CENPP: variants seen among roughly 807,000 people sequenced by gnomAD.
The protein encoded by CENPP is centromere protein P.
Under a neutral mutation model 35.6 loss-of-function variants are expected in CENPP, and 24 were observed. The observed-to-expected ratio is 0.67, with a 90% CI of 0.49 to 0.95. The LOEUF is 0.95. Ranked by LOEUF, CENPP falls within the 40% of genes least tolerant of loss-of-function variation. CENPP has a pLI of 0.00. For missense variants in CENPP, 332 were observed against 345.3 expected (o/e 0.96, Z 0.31); for synonymous variants, 120 against 125.5 (o/e 0.96, Z 0.29).
chr9:92,327,336 C>T (rs1488044426), intron 1 of CENPP, among the ~76,000 whole-genome samples: 1 of 152,180 alleles, frequency 6.6e-6, no homozygotes, highest in Non-Finnish European at 1.5e-5. Flanking sequence ...AGTGGCCATC[C>T]TGACAGGCTA....
At chr9:92,492,596 C>G (rs1173166920) in intron 5 of CENPP, among the ~76,000 whole-genome samples, 2 of 152,140 alleles carry the variant, frequency 1.3e-5, no homozygotes, top group Non-Finnish European at 2.9e-5. Context: ...TTTTGAGTAT[C>G]TTTCTCCCCT....
At chr9:92,551,950 TATGA>T (rs1264410591) in intron 5 of CENPP, among the ~76,000 whole-genome samples, 4 of 121,492 alleles carry the variant, frequency 3.3e-5, no homozygotes, top group African/African-American at 1.5e-4. Flanking sequence ...TATATATATA[TATGA>T]TATATATATG....
Position 92,532,015 on chromosome 9 carries a change from G to GT in CENPP, c.565-79286dup, listed in dbSNP as rs71362397. The stretch of plus-strand genomic sequence containing the variant: ...TTTTCTTTTTCTTTTTTTATTTAAT[G>GT]TTTTTTTTTTTTTATTTTATTTTTT... On this transcript the variant is annotated intron_variant, in intron 5 of 7. Transcript: ENST00000375587. Among the ~76,000 whole-genome samples, 229 of 95,670 alleles carry GT rather than the reference G, an allele frequency of 2.4e-3. 44 individuals are homozygous for GT. The highest frequency in any genetic ancestry group is 0.014 in the Middle Eastern group (2 of 146). The allele number at this position is 95,670 out of a possible 152,430, so 62.8% of individuals were successfully genotyped here.
intron 4 of CENPP, among the ~76,000 whole-genome samples, chr9:92,372,336 A>G (rs1842029930): frequency 6.6e-6 from 1 of 151,942 alleles, no homozygotes; most frequent in African/African-American, 2.4e-5. Context: ...TTTTAAGAAG[A>G]GAATTTAATC....
At chr9:92,566,943 A>G (rs1337547512) in intron 5 of CENPP, among the ~76,000 whole-genome samples, 1 of 152,240 alleles carries the variant, frequency 6.6e-6, no homozygotes, top group East Asian at 1.9e-4. Flanking sequence ...AAGCAGCAAG[A>G]GAGAAAGCAG....
At chr9:92,351,991 A>G (rs1006530212) in intron 4 of CENPP, among the ~76,000 whole-genome samples, 17 of 150,100 alleles carry the variant, frequency 1.1e-4, no homozygotes, top group South Asian at 6.4e-4. Context: ...TCCATGTGGC[A>G]TAAGTCAGAA....
chr9:92,489,137 G>A (rs536210884), intron 5 of CENPP, among the ~76,000 whole-genome samples: 4 of 152,136 alleles, frequency 2.6e-5, no homozygotes, highest in African/African-American at 4.8e-5. Flanking sequence ...TTACAGTCTC[G>A]AATGCTCCTG....
Position 92,620,292 on chromosome 9 carries a change from T to C in CENPP, c.*7143T>C, listed in dbSNP as rs1409343493. ...TCTGTCCATACTGACCAGGGACAGC[T>C]CAACACACACCACACTGTCAGAGTC... On this transcript the variant is annotated 3_prime_UTR_variant, in exon 8 of 8. Coordinates refer to ENST00000375587, the MANE Select transcript of CENPP (RefSeq NM_001012267.3). 1 of 152,684 alleles carries C rather than the reference T, an allele frequency of 6.5e-6. No individual in the cohort carries two copies. Among genetic ancestry groups the C allele is most frequent in the Non-Finnish European group, 1.5e-5 (1 of 68,426 alleles). The allele number at this position is 152,684 out of a possible 1,614,324, so 9.5% of individuals were successfully genotyped here. A position where few individuals can be genotyped will look rare whatever the true frequency, so the allele number is the denominator to read the frequency against.
Position 92,613,085 on chromosome 9 carries a change from T to A in CENPP, c.803T>A (p.Leu268Gln). The change falls in exon 8 of 8, where the codon CTG becomes CAG. Residue 268 changes from leucine (L) to glutamine (Q), a missense_variant. Transcript: ENST00000375587. ...CTCAGCTTCCGAACCCTGGTAGGAC[T>A]GCTTGGAATCGAAGCTGCTCTGGAA... ...APLSFRTLVGLLGIEAALESL... is the reference protein window; with the variant it reads ...APLSFRTLVGQLGIEAALESL... The A allele has an allele frequency of 6.2e-7, 1 of 1,614,200 alleles. No homozygotes were observed. Among genetic ancestry groups the A allele is most frequent in the South Asian group, 1.1e-5 (1 of 91,088 alleles).
chr9:92,355,262 T>C (rs550019865), intron 4 of CENPP, among the ~76,000 whole-genome samples: 2 of 152,126 alleles, frequency 1.3e-5, no homozygotes, highest in South Asian at 4.2e-4. Context: ...ATTCCCAGAG[T>C]GGCTGTTTAT....
At chr9:92,338,065 A>T (rs1840985795) in intron 3 of CENPP, among the ~76,000 whole-genome samples, 1 of 152,190 alleles carries the variant, frequency 6.6e-6, no homozygotes, top group Non-Finnish European at 1.5e-5. Flanking sequence ...TAGTCTCAGC[A>T]TTTTGCGGGG....
chr9:92,408,579 G>C (rs1236521992), intron 5 of CENPP, among the ~76,000 whole-genome samples: 1 of 152,068 alleles, frequency 6.6e-6, no homozygotes, highest in Non-Finnish European at 1.5e-5. Flanking sequence ...AACTTTTATC[G>C]ATTGAATCGG....
intron 4 of CENPP, among the ~76,000 whole-genome samples, chr9:92,352,467 C>CTGTGTGTGTGTG (rs61233585): frequency 0.02 from 1,417 of 71,124 alleles, 41 homozygotes; most frequent in Middle Eastern, 0.063. Context: ...TGCTTAAAGC[C>CTGTGTGTGTGTG]TGTGTGTGTG....
chr9:92,432,744 T>G (rs1183648251), intron 5 of CENPP, among the ~76,000 whole-genome samples: 1 of 152,258 alleles, frequency 6.6e-6, no homozygotes, highest in Admixed American at 6.5e-5. Flanking sequence ...CTACAATGAC[T>G]GGTAACTTAG....
At chr9:92,448,069 T>C (rs1481809892) in intron 5 of CENPP, among the ~76,000 whole-genome samples, 2 of 152,136 alleles carry the variant, frequency 1.3e-5, no homozygotes, top group Non-Finnish European at 2.9e-5. Flanking sequence ...TGGGGAACAC[T>C]AGCCACTAAA....
At chr9:92,612,795 T>C (rs906265831) in intron 7 of CENPP, among the ~76,000 whole-genome samples, 181 bp downstream of exon 7, 1 of 152,186 alleles carries the variant, frequency 6.6e-6, no homozygotes, top group East Asian at 1.9e-4. Context: ...TGAAAAGGGA[T>C]TGCTGCCCCA....
At chr9:92,524,573 C>T (rs1848275246) in intron 5 of CENPP, among the ~76,000 whole-genome samples, 1 of 152,170 alleles carries the variant, frequency 6.6e-6, no homozygotes, top group South Asian at 2.1e-4. Flanking sequence ...GAAACACACA[C>T]ATACTCACAT....
chr9:92,546,923 A>G (rs975599167), intron 5 of CENPP, among the ~76,000 whole-genome samples: 1 of 152,218 alleles, frequency 6.6e-6, no homozygotes, highest in African/African-American at 2.4e-5. Context: ...ATTCTTCACG[A>G]GTTCTACCAG....
intron 5 of CENPP, among the ~76,000 whole-genome samples, chr9:92,537,918 G>A (rs1435227026): frequency 6.6e-6 from 1 of 152,170 alleles, no homozygotes; most frequent in East Asian, 1.9e-4. Context: ...GAAGACCACT[G>A]CTAATCAAAA....
Sources: allele counts gnomAD v4.1 joint callset (sites outside exome capture counted in the v4.1 genomes callset), GRCh38; gene constraint gnomAD v4.1.1; transcripts MANE v1.5; gene names NCBI Gene and HGNC (gene_info 2026-07-23, HGNC 2026-07-21).